PKP4: variants seen among roughly 807,000 people sequenced by gnomAD.
PKP4 encodes plakophilin-4.
PKP4 carries 90 observed loss-of-function variants against 145.1 expected under a neutral mutation model. The ratio of observed to expected loss-of-function variants is 0.62; its 90% CI spans 0.52 to 0.74. PKP4 has a LOEUF of 0.74. Ranked by LOEUF, PKP4 falls within the 30% of genes least tolerant of loss-of-function variation. PKP4 has a pLI of 0.00. For synonymous variants in PKP4, 563 were observed against 577.2 expected (o/e 0.98, Z 0.35); for missense variants, 1,340 against 1,482.7 (o/e 0.90, Z 1.58).
intron 2 of PKP4, among the ~76,000 whole-genome samples, chr2:158,573,052 A>G (rs981215324): frequency 1.3e-5 from 2 of 152,228 alleles, no homozygotes; most frequent in Non-Finnish European, 2.9e-5. Flanking sequence ...AAGATGGTTT[A>G]TACAAGAAAG....
At chr2:158,631,695 G>A in intron 7 of PKP4, 58 bp from the exon 8 acceptor site, 1 of 1,430,878 alleles carries the variant, frequency 7.0e-7, no homozygotes, top group Non-Finnish European at 9.9e-7. Context: ...TAGGGTTTAT[G>A]TTTTTAACCT....
intron 1 of PKP4, among the ~76,000 whole-genome samples, chr2:158,516,185 CTG>C (rs2041928343): frequency 6.6e-6 from 1 of 151,940 alleles, no homozygotes; most frequent in African/African-American, 2.4e-5. Flanking sequence ...TCAAAGCTGA[CTG>C]TGTATACAAA....
chr2:158,569,940 A>G (rs1382604842), intron 2 of PKP4, among the ~76,000 whole-genome samples: 2 of 152,208 alleles, frequency 1.3e-5, no homozygotes, highest in African/African-American at 4.8e-5. Flanking sequence ...CCTGTAGGAC[A>G]CTGGTGTTCT....
At chr2:158,540,816 A>C (rs1164139856) in intron 2 of PKP4, among the ~76,000 whole-genome samples, 2 of 152,186 alleles carry the variant, frequency 1.3e-5, no homozygotes, top group South Asian at 4.1e-4. Flanking sequence ...CCATTGAATT[A>C]GCATTGTTTC....
At chr2:158,522,767 G>A (rs1488711307) in intron 1 of PKP4, among the ~76,000 whole-genome samples, 4 of 152,216 alleles carry the variant, frequency 2.6e-5, no homozygotes, top group African/African-American at 7.2e-5. Flanking sequence ...CAGGCCAGTG[G>A]GTGTGCGCAC....
At chr2:158,641,222 C>T (rs2054252689) in intron 10 of PKP4, among the ~76,000 whole-genome samples, 1 of 151,988 alleles carries the variant, frequency 6.6e-6, no homozygotes, top group Admixed American at 6.6e-5. Flanking sequence ...CCTGTAATCC[C>T]CGCTACTCAG....
At chr2:158,569,164 G>A (rs985044567) in intron 2 of PKP4, among the ~76,000 whole-genome samples, 1 of 152,166 alleles carries the variant, frequency 6.6e-6, no homozygotes, top group African/African-American at 2.4e-5. Context: ...GAGAGCCTGA[G>A]TCTTAGAATA....
intron 1 of PKP4, among the ~76,000 whole-genome samples, chr2:158,487,598 A>T (rs899292671): frequency 6.6e-6 from 1 of 152,228 alleles, no homozygotes; most frequent in Non-Finnish European, 1.5e-5. Context: ...TTATATAATT[A>T]TTCAAGTTAA....
intron 2 of PKP4, among the ~76,000 whole-genome samples, chr2:158,541,800 G>C (rs1415136384): frequency 6.6e-6 from 1 of 152,018 alleles, no homozygotes; most frequent in African/African-American, 2.4e-5. Context: ...TCAGTGAAGT[G>C]TTCATCGTGA....
intron 4 of PKP4, among the ~76,000 whole-genome samples, chr2:158,617,494 A>G (rs1295565262): frequency 6.6e-6 from 1 of 152,220 alleles, no homozygotes; most frequent in African/African-American, 2.4e-5. Context: ...TCATCATGAA[A>G]TGGTTATTTG....
chr2:158,471,361 A>G (rs1476128975), intron 1 of PKP4, among the ~76,000 whole-genome samples: 2 of 152,234 alleles, frequency 1.3e-5, no homozygotes, highest in Non-Finnish European at 2.9e-5. Context: ...GAAAAACCCT[A>G]CATGAATAGA....
At chr2:158,488,939 A>G (rs1370787274) in intron 1 of PKP4, among the ~76,000 whole-genome samples, 1 of 152,184 alleles carries the variant, frequency 6.6e-6, no homozygotes, top group Non-Finnish European at 1.5e-5. Flanking sequence ...TGTCTTCAAA[A>G]GATGTGTCTT....
chr2:158,573,980 C>CTT (rs2047627091), intron 2 of PKP4, among the ~76,000 whole-genome samples: 1 of 152,220 alleles, frequency 6.6e-6, no homozygotes, highest in South Asian at 2.1e-4. Flanking sequence ...ATGGGACAGC[C>CTT]AGCCTTTCCT....
chr2:158,652,334 A>G (rs757069679), intron 11 of PKP4, among the ~76,000 whole-genome samples: 4 of 152,186 alleles, frequency 2.6e-5, no homozygotes, highest in African/African-American at 7.2e-5. Context: ...GGTAACGTAA[A>G]TGTCAAAGGT....
intron 12 of PKP4, 159 bp downstream of exon 12, chr2:158,658,473 A>T (rs907937067): frequency 1.4e-5 from 8 of 553,186 alleles, no homozygotes; most frequent in Admixed American, 1.1e-4. Flanking sequence ...GGAGAAAAAC[A>T]TCGTGAGCAC....
chr2:158,553,422 A>G (rs2045804733), intron 2 of PKP4, among the ~76,000 whole-genome samples: 1 of 152,222 alleles, frequency 6.6e-6, no homozygotes, highest in African/African-American at 2.4e-5. Context: ...ACAAATACAC[A>G]GGAAACCCAC....
intron 4 of PKP4, among the ~76,000 whole-genome samples, chr2:158,612,605 T>TC (rs1197314687): frequency 6.6e-6 from 1 of 151,986 alleles, no homozygotes; most frequent in East Asian, 1.9e-4. Context: ...CACCTGGTAG[T>TC]CCTATCTACA....
intron 3 of PKP4, among the ~76,000 whole-genome samples, chr2:158,580,659 C>T (rs2048256836): frequency 6.6e-6 from 1 of 152,118 alleles, no homozygotes; most frequent in African/African-American, 2.4e-5. Context: ...AGAGGCCAGG[C>T]AGCCAGATAG....
At chr2:158,606,224 A>C (rs2105857983) in intron 4 of PKP4, among the ~76,000 whole-genome samples, 1 of 152,310 alleles carries the variant, frequency 6.6e-6, no homozygotes, top group African/African-American at 2.4e-5. Context: ...CATTTCCACT[A>C]GTTAAAAATA....
Sources: gnomAD v4.1 joint callset for allele counts (sites outside exome capture counted in the v4.1 genomes callset) on GRCh38, gnomAD v4.1.1 for gene constraint, MANE v1.5 for transcripts, NCBI Gene and HGNC (gene_info 2026-07-23, HGNC 2026-07-21) for gene names.